The following DCDC2 variants were observed in gnomAD, a reference collection of about 807,000 sequenced individuals.
DCDC2 encodes doublecortin domain-containing protein 2.
A neutral mutation model predicts 50.2 loss-of-function variants in DCDC2; 40 were observed. The observed-to-expected ratio is 0.80, with a 90% CI of 0.62 to 1.04. DCDC2 has a LOEUF of 1.04. DCDC2 is among the 50% of genes least tolerant of loss of function. The pLI, the probability that DCDC2 is intolerant of heterozygous loss-of-function variation, is 0.00. For synonymous variants in DCDC2, 234 were observed against 210.6 expected, an observed-to-expected ratio of 1.11 and a Z score of -0.96; for missense variants, 570 against 581.9, an observed-to-expected ratio of 0.98 and a Z score of 0.21.
Position 24,357,457 on chromosome 6 carries a change from C to G in DCDC2, c.293+1G>C. On this transcript the variant is annotated splice_donor_variant, in intron 1 of 9. Transcript: ENST00000378454. LOFTEE classifies it high-confidence loss of function. ...GTGGGCGGTGGGGGAGACCGACTCA[C>G]TTGAGTTTCTTGAAGGCTTCCTGGC... is the stretch of plus-strand genomic sequence containing the variant. The G allele has an allele frequency of 1.3e-6, 2 of 1,598,854 alleles. No individual in the cohort carries two copies. Among genetic ancestry groups the G allele is most frequent in the Non-Finnish European group, 1.7e-6 (2 of 1,171,276 alleles).
upstream of DCDC2, among the ~76,000 whole-genome samples, chr6:24,359,231 T>TTTATATA (rs1760590389): frequency 1.5e-5 from 1 of 67,376 alleles, no homozygotes; most frequent in East Asian, 5.8e-4. Flanking sequence ...TTTTATATAT[T>TTTATATA]TTATATATTT....
At chr6:24,353,524 TG>T in intron 2 of DCDC2, 44 bp downstream of exon 2, 1 of 1,232,532 alleles carries the variant, frequency 8.1e-7, no homozygotes, top group Non-Finnish European at 1.2e-6. Context: ...AAGAAACAAA[TG>T]GCACCGTTAT....
At chr6:24,230,085 T>C (rs1762308096) in intron 7 of DCDC2, among the ~76,000 whole-genome samples, 1 of 152,248 alleles carries the variant, frequency 6.6e-6, no homozygotes. Context: ...TTAGGAAAAC[T>C]TAAAACATAA....
At chr6:24,315,431 G>A (rs888923515) in intron 2 of DCDC2, among the ~76,000 whole-genome samples, 2 of 152,140 alleles carry the variant, frequency 1.3e-5, no homozygotes, top group African/African-American at 4.8e-5. Flanking sequence ...ATCAGAAGCT[G>A]TCTACAGTAA....
At chr6:24,223,480 T>A (rs2113777274) in intron 7 of DCDC2, among the ~76,000 whole-genome samples, 1 of 152,350 alleles carries the variant, frequency 6.6e-6, no homozygotes, top group South Asian at 2.1e-4. Context: ...GTTTATCTAT[T>A]TTGTGAGACT....
chr6:24,353,739 C>A, intron 1 of DCDC2, 116 bp from the exon 2 acceptor site: 1 of 597,890 alleles, frequency 1.7e-6, no homozygotes, highest in Non-Finnish European at 2.7e-6. Context: ...AACCTTAAAG[C>A]AAAAACAAAT....
At chr6:24,246,675 CAG>C (rs1762681927) in intron 7 of DCDC2, among the ~76,000 whole-genome samples, 1 of 151,608 alleles carries the variant, frequency 6.6e-6, no homozygotes, top group Admixed American at 6.6e-5. Flanking sequence ...TTAGTAGAGA[CAG>C]GGTTTCACCA....
chr6:24,181,490 C>T (rs78735016), intron 8 of DCDC2, among the ~76,000 whole-genome samples: 4,128 of 152,084 alleles, frequency 0.027, 169 homozygotes, highest in African/African-American at 0.094. Flanking sequence ...AAAAACAGAA[C>T]GGAGGAGAAT....
In DCDC2 at chr6:24,318,776, C is replaced by T. The variant is rs188478424; in HGVS notation, c.349-16732G>A. ...GCTGAATAATATTCCGTTTTATATA[C>T]GTACGTGTGTGTGTGTGTGTGTGTA... is the stretch of plus-strand genomic sequence containing the variant. On this transcript the variant is annotated intron_variant, in intron 2 of 9. Transcript: ENST00000378454. Among the ~76,000 whole-genome samples the T allele has an allele frequency of 2.3e-3, 229 of 100,600 alleles. 1 individual carries two copies. Among genetic ancestry groups the T allele is most frequent in the African/African-American group, 0.01 (203 of 19,434 alleles). The allele number at this position is 100,600 out of a possible 152,430, so 66.0% of individuals were successfully genotyped here. A position where few individuals can be genotyped will look rare whatever the true frequency, so the allele number is the denominator to read the frequency against.
At chr6:24,347,999 C>A (rs549435524) in intron 2 of DCDC2, among the ~76,000 whole-genome samples, 1 of 152,112 alleles carries the variant, frequency 6.6e-6, no homozygotes, top group African/African-American at 2.4e-5. Context: ...GTGGTGGGTA[C>A]GATACAGGAT....
chr6:24,265,993 T>TA (rs373942526), intron 7 of DCDC2, among the ~76,000 whole-genome samples: 1 of 151,462 alleles, frequency 6.6e-6, no homozygotes, highest in Non-Finnish European at 1.5e-5. Context: ...GCCAGACTAA[T>TA]AAAAAAAGAC....
intron 2 of DCDC2, among the ~76,000 whole-genome samples, chr6:24,341,640 T>C (rs1760156500): frequency 6.6e-6 from 1 of 152,226 alleles, no homozygotes; most frequent in South Asian, 2.1e-4. Flanking sequence ...AGTTGTTTTC[T>C]GAGTTCGGTC....
At chr6:24,203,219 T>C (rs1374055713) in intron 8 of DCDC2, among the ~76,000 whole-genome samples, 1 of 152,200 alleles carries the variant, frequency 6.6e-6, no homozygotes, top group Non-Finnish European at 1.5e-5. Flanking sequence ...GGCATCATGC[T>C]ACCTGACTTC....
intron 7 of DCDC2, among the ~76,000 whole-genome samples, chr6:24,236,189 T>C (rs1018328873): frequency 2.0e-5 from 3 of 152,082 alleles, no homozygotes; most frequent in African/African-American, 7.2e-5. Context: ...GACTTCAAAC[T>C]ATACTAAAAG....
intron 4 of DCDC2, among the ~76,000 whole-genome samples, chr6:24,301,326 G>C (rs993026060): frequency 7.4e-6 from 1 of 134,918 alleles, no homozygotes; most frequent in Non-Finnish European, 1.5e-5. Context: ...AGCTGAGATC[G>C]TGCCACTGCA....
At chr6:24,219,788 T>G (rs556584510) in intron 7 of DCDC2, among the ~76,000 whole-genome samples, 1 of 152,312 alleles carries the variant, frequency 6.6e-6, no homozygotes, top group South Asian at 2.1e-4. Flanking sequence ...AGCAGGCTCA[T>G]GAGAAGACAT....
At chr6:24,266,925 A>C (rs957280553) in intron 7 of DCDC2, among the ~76,000 whole-genome samples, 4 of 152,202 alleles carry the variant, frequency 2.6e-5, no homozygotes, top group African/African-American at 7.2e-5. Flanking sequence ...CAACAGATGA[A>C]TGAATAAAGA....
rs1761347681 is a variant in DCDC2 at position 24,193,127 on chromosome 6, T to C, written c.1023+11875A>G. On this transcript the variant is annotated intron_variant, in intron 8 of 9. Transcript: ENST00000378454. ...AGAGAAATTATATCAAACCTAGAAT[T>C]GTATACTTCACCATACTTACAGTCA... 2.0e-5 allele frequency among the ~76,000 whole-genome samples: 3 copies of C among 152,020 alleles called. 1 individual carries two copies. Among genetic ancestry groups the C allele is most frequent in the Admixed American group, 6.6e-5 (1 of 15,262 alleles).
At chr6:24,193,341 T>G (rs571050237) in intron 8 of DCDC2, among the ~76,000 whole-genome samples, 1 of 152,058 alleles carries the variant, frequency 6.6e-6, no homozygotes, top group East Asian at 1.9e-4. Flanking sequence ...GCAAAGGAAA[T>G]TCTCAAAATA....
Sources: gnomAD v4.1 joint callset for allele counts (sites outside exome capture counted in the v4.1 genomes callset) on GRCh38, gnomAD v4.1.1 for gene constraint, MANE v1.5 for transcripts, NCBI Gene and HGNC (gene_info 2026-07-23, HGNC 2026-07-21) for gene names.